Variants in ATP8A2 observed in about 807,000 individuals in gnomAD.
The protein encoded by ATP8A2 is ATPase phospholipid transporting 8A2.
ATP8A2 carries 100 observed loss-of-function variants against 165.6 expected under a neutral mutation model. The observed-to-expected ratio is 0.60, with a 90% CI of 0.51 to 0.71. The LOEUF (loss-of-function observed/expected upper bound fraction) is 0.71, where lower values mean the gene tolerates loss of function less well. ATP8A2 is among the 30% of genes least tolerant of loss of function. The pLI is 0.00. For missense variants in ATP8A2, 1,227 were observed against 1,479.5 expected, an observed-to-expected ratio of 0.83 and a Z score of 2.80; for synonymous variants, 543 against 548.8, an observed-to-expected ratio of 0.99 and a Z score of 0.15.
intron 2 of ATP8A2, among the ~76,000 whole-genome samples, chr13:25,513,713 G>A (rs1489200736): frequency 3.3e-5 from 5 of 152,154 alleles, no homozygotes; most frequent in Non-Finnish European, 7.4e-5. Flanking sequence ...CCGGCACCTC[G>A]GGAGGCCGAG....
intron 33 of ATP8A2, among the ~76,000 whole-genome samples, chr13:25,959,435 C>A (rs376052975): frequency 7.9e-5 from 12 of 152,262 alleles, no homozygotes; most frequent in African/African-American, 2.9e-4. Flanking sequence ...TTTTTGAAGT[C>A]CTGGAATGTT....
intron 36 of ATP8A2, among the ~76,000 whole-genome samples, chr13:26,016,448 C>T (rs1429562448): frequency 1.3e-5 from 2 of 152,164 alleles, no homozygotes; most frequent in African/African-American, 2.4e-5. Context: ...CACTAATGCA[C>T]ACAGAAGAAG....
At chr13:25,626,760 AAG>A (rs775369030) in intron 24 of ATP8A2, among the ~76,000 whole-genome samples, 3 of 152,132 alleles carry the variant, frequency 2.0e-5, no homozygotes, top group Non-Finnish European at 4.4e-5. Flanking sequence ...TATAAAGAAA[AAG>A]AGGTTTAATG....
intron 25 of ATP8A2, among the ~76,000 whole-genome samples, chr13:25,725,551 T>C (rs1374877760): frequency 6.6e-6 from 1 of 152,210 alleles, no homozygotes; most frequent in African/African-American, 2.4e-5. Flanking sequence ...CTGGGTCTTC[T>C]GGAGCGCTGG....
chr13:25,877,767 C>A (rs1952856083), intron 33 of ATP8A2, among the ~76,000 whole-genome samples: 1 of 152,218 alleles, frequency 6.6e-6, no homozygotes, highest in African/African-American at 2.4e-5. Flanking sequence ...GCCAAAATCA[C>A]CATTGCAGTT....
chr13:25,899,230 TC>T (rs1953660839), intron 33 of ATP8A2, among the ~76,000 whole-genome samples: 1 of 152,206 alleles, frequency 6.6e-6, no homozygotes, highest in Non-Finnish European at 1.5e-5. Flanking sequence ...TGCATGGGTT[TC>T]TGTCTGAGTG....
At chr13:25,712,494 C>G (rs958939100) in intron 25 of ATP8A2, among the ~76,000 whole-genome samples, 1 of 152,238 alleles carries the variant, frequency 6.6e-6, no homozygotes, top group East Asian at 1.9e-4. Flanking sequence ...AGGTGACTGG[C>G]GGGGCCAGAC....
chr13:25,959,157 A>T (rs1955599409), intron 33 of ATP8A2, among the ~76,000 whole-genome samples: 1 of 152,236 alleles, frequency 6.6e-6, no homozygotes, highest in Admixed American at 6.5e-5. Flanking sequence ...GCAGGACAAC[A>T]GGAGCTGGAA....
intron 35 of ATP8A2, among the ~76,000 whole-genome samples, chr13:25,985,741 A>G (rs1956269527): frequency 6.6e-6 from 1 of 152,194 alleles, no homozygotes. Flanking sequence ...TTTGCCCTTG[A>G]CAACCAATTG....
chr13:26,015,501 T>TAA (rs1956949522), intron 36 of ATP8A2, among the ~76,000 whole-genome samples: 1 of 152,166 alleles, frequency 6.6e-6, no homozygotes, highest in African/African-American at 2.4e-5. Context: ...ATTAGGAATC[T>TAA]TTCCAGACAG....
intron 33 of ATP8A2, among the ~76,000 whole-genome samples, chr13:25,959,833 T>G (rs2139179577): frequency 6.6e-6 from 1 of 152,380 alleles, no homozygotes; most frequent in Non-Finnish European, 1.5e-5. Context: ...TGAATATCAT[T>G]GTACTTGCTT....
At chr13:25,696,391 C>T (rs2042834818) in intron 24 of ATP8A2, among the ~76,000 whole-genome samples, 1 of 152,226 alleles carries the variant, frequency 6.6e-6, no homozygotes, top group African/African-American at 2.4e-5. Context: ...TTGGGATTGA[C>T]TTCTCCTCTC....
At chr13:25,791,088 A>T (rs1489447355) in intron 27 of ATP8A2, among the ~76,000 whole-genome samples, 1 of 152,222 alleles carries the variant, frequency 6.6e-6, no homozygotes, top group Non-Finnish European at 1.5e-5. Flanking sequence ...ATGCATGCAT[A>T]TGTTCATTGC....
chr13:25,868,151 C>T, intron 33 of ATP8A2: 1 of 456,174 alleles, frequency 2.2e-6, no homozygotes, highest in Non-Finnish European at 4.4e-6. Flanking sequence ...GAAATAAACG[C>T]TTGTTAAAAA....
chr13:25,519,405 G>T (rs1292446966), intron 2 of ATP8A2, among the ~76,000 whole-genome samples: 1 of 151,812 alleles, frequency 6.6e-6, no homozygotes, highest in Non-Finnish European at 1.5e-5. Context: ...CTCCTCTAGA[G>T]TGCAATTTCC....
intron 1 of ATP8A2, among the ~76,000 whole-genome samples, chr13:25,405,151 G>A (rs2033760473): frequency 6.6e-6 from 1 of 152,162 alleles, no homozygotes; most frequent in Non-Finnish European, 1.5e-5. Context: ...AGACCTTGAT[G>A]AGAGCAGCTC....
At chr13:25,918,562 A>G (rs1954336556) in intron 33 of ATP8A2, among the ~76,000 whole-genome samples, 1 of 152,202 alleles carries the variant, frequency 6.6e-6, no homozygotes, top group African/African-American at 2.4e-5. Flanking sequence ...TTAATTTGGA[A>G]GGGAATAAGC....
intron 35 of ATP8A2, among the ~76,000 whole-genome samples, chr13:25,997,452 T>C (rs1156329929): frequency 6.6e-6 from 1 of 152,228 alleles, no homozygotes; most frequent in African/African-American, 2.4e-5. Context: ...TTAGAATTGC[T>C]CTGTAAGTTT....
chr13:25,973,495 G>A (rs1447868915), intron 35 of ATP8A2, among the ~76,000 whole-genome samples: 2 of 152,148 alleles, frequency 1.3e-5, no homozygotes, highest in South Asian at 2.1e-4. Flanking sequence ...AACCACAGCA[G>A]CAAGATTTCA....
Sources: gnomAD v4.1 joint callset for allele counts (sites outside exome capture counted in the v4.1 genomes callset) on GRCh38, gnomAD v4.1.1 for gene constraint, MANE v1.5 for transcripts, NCBI Gene and HGNC (gene_info 2026-07-23, HGNC 2026-07-21) for gene names.